CALN1: variants seen among roughly 807,000 people sequenced by gnomAD.
CALN1 encodes calneuron 1.
CALN1 carries 17 observed loss-of-function variants against 30.6 expected under a neutral mutation model. The ratio of observed to expected loss-of-function variants is 0.56; its 90% CI spans 0.38 to 0.83. CALN1 has a LOEUF of 0.83. Among genes scored for constraint, CALN1 ranks in the 40% least tolerant of loss-of-function variants. CALN1 has a pLI of 0.00. For synonymous variants in CALN1, 156 were observed against 131.4 expected (o/e 1.19, Z -1.28); for missense variants, 291 against 354.9 (o/e 0.82, Z 1.45).
intron 5 of CALN1, among the ~76,000 whole-genome samples, chr7:71,991,823 AAAAAC>A (rs1001315608): frequency 1.3e-5 from 2 of 152,238 alleles, no homozygotes; most frequent in African/African-American, 2.4e-5. Context: ...TCCTTTCTTA[AAAAAC>A]AAAACAAAAC....
At chr7:71,954,041 A>T (rs1488607402) in intron 5 of CALN1, among the ~76,000 whole-genome samples, 1 of 152,210 alleles carries the variant, frequency 6.6e-6, no homozygotes, top group Non-Finnish European at 1.5e-5. Flanking sequence ...TCAGGGGTAA[A>T]GGCTGGGCAC....
At chr7:72,499,823 TTCC>T in the CALN1 span, among the ~76,000 whole-genome samples, 26 of 66,630 alleles carry the variant, frequency 3.9e-4, no homozygotes, top group African/African-American at 1.3e-3. Context: ...CCTTCCTTCC[TTCC>T]TTCTTTCTTT....
rs527432265 is a variant in CALN1, at chr7:72,201,327, G to A, written c.244+77359C>T. ...TATTGTGCAGGGCACGGTGGCTCAC[G>A]TCTGTAATCTCAGCACTTTGGGAGG... On this transcript the variant is annotated intron_variant, in intron 3 of 6. Coordinates refer to ENST00000395275, the MANE Select transcript of CALN1 (RefSeq NM_031468.4). 1.7e-3 allele frequency among the ~76,000 whole-genome samples: 258 copies of A among 152,282 alleles called. 1 individual carries two copies. Among genetic ancestry groups the A allele is most frequent in the African/African-American group, 5.9e-3 (247 of 41,558 alleles).
chr7:71,821,026 A>G (rs2867516), intron 5 of CALN1, among the ~76,000 whole-genome samples: 26,054 of 152,208 alleles, frequency 0.17, 3,271 homozygotes, highest in East Asian at 0.58. Flanking sequence ...AAGAAAGGCT[A>G]CACGTTAAAT....
chr7:72,481,218 C>T, the CALN1 span, among the ~76,000 whole-genome samples: 1 of 152,168 alleles, frequency 6.6e-6, no homozygotes, highest in Non-Finnish European at 1.5e-5. Context: ...TCCCAAAGTG[C>T]TGGGATTACA....
intron 1 of CALN1, among the ~76,000 whole-genome samples, chr7:72,411,049 T>C (rs1807101398): frequency 6.6e-6 from 1 of 152,150 alleles, no homozygotes; most frequent in Non-Finnish European, 1.5e-5. Context: ...TAGTAAAGCA[T>C]TAGAATAAGA....
intron 5 of CALN1, among the ~76,000 whole-genome samples, chr7:71,949,179 C>CA (rs1796564664): frequency 1.3e-5 from 2 of 151,682 alleles, no homozygotes; most frequent in East Asian, 3.9e-4. Context: ...GAATCCCTGA[C>CA]AGGCTATGAG....
At chr7:72,002,488 A>T (rs561578931) in intron 5 of CALN1, among the ~76,000 whole-genome samples, 197 of 152,306 alleles carry the variant, frequency 1.3e-3, no homozygotes, top group African/African-American at 4.5e-3. Flanking sequence ...ATCATTATAA[A>T]GTTGAAAAAT....
chr7:72,154,296 T>G (rs1358420449), intron 3 of CALN1, among the ~76,000 whole-genome samples: 1 of 151,904 alleles, frequency 6.6e-6, no homozygotes, highest in African/African-American at 2.4e-5. Flanking sequence ...CAAAATGCCT[T>G]GGCCAAGCCA....
At chr7:72,007,165 C>A (rs1799815226) in intron 5 of CALN1, among the ~76,000 whole-genome samples, 3 of 152,222 alleles carry the variant, frequency 2.0e-5, no homozygotes, top group Admixed American at 2.0e-4. Context: ...TCCCTTGCTG[C>A]CACGTATGGC....
intron 3 of CALN1, among the ~76,000 whole-genome samples, chr7:72,146,724 C>T (rs1319697300): frequency 6.6e-6 from 1 of 152,176 alleles, no homozygotes; most frequent in South Asian, 2.1e-4. Context: ...AACTATACTA[C>T]AAGGCTACAG....
At chr7:72,241,206 G>C (rs576911592) in intron 3 of CALN1, among the ~76,000 whole-genome samples, 2 of 152,292 alleles carry the variant, frequency 1.3e-5, no homozygotes, top group East Asian at 3.9e-4. Context: ...CACAATGAAA[G>C]TATTCACCAT....
At chr7:72,090,692 G>A (rs1367675468) in intron 4 of CALN1, among the ~76,000 whole-genome samples, 2 of 152,172 alleles carry the variant, frequency 1.3e-5, no homozygotes, top group Admixed American at 1.3e-4. Context: ...TCCATCAATG[G>A]ATGAATGGAT....
chr7:72,464,901 A>G, the CALN1 span, among the ~76,000 whole-genome samples: 2 of 152,178 alleles, frequency 1.3e-5, no homozygotes, highest in Non-Finnish European at 2.9e-5. Flanking sequence ...AATCTCCCAG[A>G]CAGAAATCAG....
At chr7:72,343,543 T>C (rs947234868) in intron 2 of CALN1, among the ~76,000 whole-genome samples, 3 of 94,692 alleles carry the variant, frequency 3.2e-5, no homozygotes, top group African/African-American at 4.6e-5. Flanking sequence ...CGAGATTCTG[T>C]CTCAAAAAAA....
intron 1 of CALN1, among the ~76,000 whole-genome samples, chr7:72,443,058 A>AT (rs1440763924): frequency 6.6e-6 from 1 of 152,180 alleles, no homozygotes; most frequent in African/African-American, 2.4e-5. Flanking sequence ...TTTGTTAAGA[A>AT]TTGCACTTAG....
the CALN1 span, among the ~76,000 whole-genome samples, chr7:72,476,723 C>T: frequency 6.6e-6 from 1 of 152,228 alleles, no homozygotes; most frequent in African/African-American, 2.4e-5. Context: ...TGCATTCATT[C>T]ATGCATTCCA....
At position 71,782,548 on chromosome 7, in the gene CALN1, T is replaced by C. The variant is rs1792775186; in HGVS notation, c.*5227A>G. 1 of 152,184 alleles carries C rather than the reference T, an allele frequency of 6.6e-6. No homozygotes were observed. The highest frequency in any genetic ancestry group is 2.1e-4 in the South Asian group (1 of 4,828). The allele number at this position is 152,184 out of a possible 1,614,324, so 9.4% of individuals were successfully genotyped here. On this transcript the variant is annotated 3_prime_UTR_variant, in exon 7 of 7. Transcript: ENST00000395275. Reference sequence around the variant, plus strand: ...TGCAAAACGGACTAACATACACCTATTTATGGCAGGGCCAAAAAATTGAGG... The same window carrying C: ...TGCAAAACGGACTAACATACACCTACTTATGGCAGGGCCAAAAAATTGAGG...
chr7:72,012,848 T>C (rs536918517), intron 5 of CALN1, among the ~76,000 whole-genome samples: 4 of 152,282 alleles, frequency 2.6e-5, no homozygotes, highest in African/African-American at 9.6e-5. Flanking sequence ...CAGGCTGGAG[T>C]GCAAGGGCGT....
Sources: allele counts gnomAD v4.1 joint callset (sites outside exome capture counted in the v4.1 genomes callset), GRCh38; gene constraint gnomAD v4.1.1; transcripts MANE v1.5; gene names NCBI Gene and HGNC (gene_info 2026-07-23, HGNC 2026-07-21).